The following NHSL1 variants were observed in gnomAD, a reference collection of about 807,000 sequenced individuals.
NHSL1 encodes NHS-like protein 1.
A neutral mutation model predicts 95.0 loss-of-function variants in NHSL1; 48 were observed. The observed-to-expected ratio is 0.51, with a 90% CI of 0.40 to 0.64. NHSL1 has a LOEUF of 0.64. Ranked by LOEUF, NHSL1 falls within the 30% of genes least tolerant of loss-of-function variation. The pLI is 0.00. For missense variants in NHSL1, 1,971 were observed against 2,077.7 expected, an observed-to-expected ratio of 0.95 and a Z score of 1.00; for synonymous variants, 783 against 833.9, an observed-to-expected ratio of 0.94 and a Z score of 1.05.
chr6:138,532,657 T>C (rs2128317021), intron 1 of NHSL1, among the ~76,000 whole-genome samples: 1 of 152,332 alleles, frequency 6.6e-6, no homozygotes, highest in Non-Finnish European at 1.5e-5. Flanking sequence ...CAATCACTTC[T>C]ATTTATTAGA....
At chr6:138,465,099 C>T (rs1778276725) in intron 3 of NHSL1, among the ~76,000 whole-genome samples, 1 of 151,088 alleles carries the variant, frequency 6.6e-6, no homozygotes, top group African/African-American at 2.4e-5. Context: ...GTTCAAAAAG[C>T]TCACAGAGTA....
At chr6:138,645,271 G>A (rs1260222521) in intron 1 of NHSL1, among the ~76,000 whole-genome samples, 1 of 152,086 alleles carries the variant, frequency 6.6e-6, no homozygotes, top group African/African-American at 2.4e-5. Flanking sequence ...TTCCTCCAAT[G>A]CAACAGGGCC....
At chr6:138,627,580 C>T (rs1784758865) in intron 1 of NHSL1, among the ~76,000 whole-genome samples, 1 of 151,948 alleles carries the variant, frequency 6.6e-6, no homozygotes, top group Admixed American at 6.6e-5. Context: ...AGTAGTATAC[C>T]AGATATAAGA....
chr6:138,580,939 G>A (rs1369159608), intron 1 of NHSL1, among the ~76,000 whole-genome samples: 1 of 152,192 alleles, frequency 6.6e-6, no homozygotes, highest in African/African-American at 2.4e-5. Context: ...GCAGGGGGAG[G>A]TTTCAGCTGG....
chr6:138,672,073 T>C (rs1785379979), intron 1 of NHSL1, among the ~76,000 whole-genome samples: 1 of 151,950 alleles, frequency 6.6e-6, no homozygotes, highest in South Asian at 2.1e-4. Context: ...CAGAGGAAAA[T>C]TTCTTTAAAA....
At chr6:138,677,730 G>A (rs185964682) in intron 1 of NHSL1, among the ~76,000 whole-genome samples, 1 of 152,168 alleles carries the variant, frequency 6.6e-6, no homozygotes, top group African/African-American at 2.4e-5. Flanking sequence ...ACTGCAAATG[G>A]TATTCTCAAA....
chr6:138,474,877 G>A (rs938165221), intron 2 of NHSL1, among the ~76,000 whole-genome samples: 12 of 152,186 alleles, frequency 7.9e-5, no homozygotes, highest in South Asian at 2.1e-4. Context: ...GGCTGGGCGC[G>A]GTGGCTCATG....
At chr6:138,522,673 T>G (rs1367996762) in intron 1 of NHSL1, among the ~76,000 whole-genome samples, 1 of 152,070 alleles carries the variant, frequency 6.6e-6, no homozygotes, top group East Asian at 1.9e-4. Context: ...TTTACTCAGG[T>G]GTGGTGGCGC....
intron 1 of NHSL1, among the ~76,000 whole-genome samples, chr6:138,519,184 A>T (rs1781575388): frequency 6.6e-6 from 1 of 152,104 alleles, no homozygotes; most frequent in African/African-American, 2.4e-5. Context: ...GAAAAAAAAA[A>T]GCCTTACCAT....
chr6:138,505,840 A>G (rs1256387692), intron 1 of NHSL1, among the ~76,000 whole-genome samples: 2 of 152,162 alleles, frequency 1.3e-5, no homozygotes, highest in Non-Finnish European at 2.9e-5. Context: ...AAAATTTTTC[A>G]GGGCAACCTT....
intron 5 of NHSL1, among the ~76,000 whole-genome samples, chr6:138,437,879 T>C (rs1267040048): frequency 2.0e-5 from 3 of 152,210 alleles, no homozygotes; most frequent in Non-Finnish European, 4.4e-5. Flanking sequence ...TGTGGCTGAA[T>C]TGCTGCAATT....
At chr6:138,551,987 T>C (rs1783021811) in intron 1 of NHSL1, among the ~76,000 whole-genome samples, 1 of 152,190 alleles carries the variant, frequency 6.6e-6, no homozygotes, top group Non-Finnish European at 1.5e-5. Context: ...GGACTCAAAC[T>C]AACCATGGAG....
intron 1 of NHSL1, among the ~76,000 whole-genome samples, chr6:138,505,703 A>T (rs1780926859): frequency 6.6e-6 from 1 of 151,796 alleles, no homozygotes; most frequent in Non-Finnish European, 1.5e-5. Flanking sequence ...AATGAAGATC[A>T]TTATTTTCTT....
chr6:138,658,199 A>G lies in NHSL1; in HGVS notation c.96+34277T>C, dbSNP rs374498195. ...TAAAAATTGTATATATTTAAGGTGT[A>G]CAACACGATTTGATATACATTCTGA... is the stretch of plus-strand genomic sequence containing the variant. On this transcript the variant is annotated intron_variant, in intron 1 of 3. Transcript: ENST00000491526. Among the ~76,000 whole-genome samples, 121 of 152,314 alleles carry G rather than the reference A, an allele frequency of 7.9e-4. 2 individuals are homozygous for G. The South Asian group carries it at 0.024, about 30-fold the overall frequency.
At chr6:138,561,819 G>A (rs1783422566) in intron 1 of NHSL1, among the ~76,000 whole-genome samples, 1 of 152,198 alleles carries the variant, frequency 6.6e-6, no homozygotes. Flanking sequence ...GGGGAAGATG[G>A]TCTCAGACAA....
chr6:138,692,374 C>A lies in NHSL1; in HGVS notation c.96+102G>T. ...TGGAGACCCCGACATCGCGGGGCTC[C>A]GCGGCCCCCGCGCCGACCCAGGGCC... is the stretch of plus-strand genomic sequence containing the variant. On this transcript the variant is annotated intron_variant, in intron 1 of 3. Transcript: ENST00000491526. This position sits in a 1 kb window ranked among gnomAD's most constrained non-coding sequence, Gnocchi z 4.0. The A allele has an allele frequency of 3.3e-6, 1 of 302,192 alleles. No homozygotes were observed. Among genetic ancestry groups the A allele is most frequent in the Non-Finnish European group, 6.5e-6 (1 of 153,754 alleles). 18.7% of individuals were successfully genotyped at this position (302,192 alleles called of 1,614,324 possible).
intron 3 of NHSL1, among the ~76,000 whole-genome samples, chr6:138,467,284 C>T (rs1326339199): frequency 6.6e-6 from 1 of 152,048 alleles, no homozygotes; most frequent in African/African-American, 2.4e-5. Flanking sequence ...TCCCGAGTAG[C>T]TGGGACCGCA....
chr6:138,596,764 C>T (rs573007344), intron 1 of NHSL1, among the ~76,000 whole-genome samples: 6 of 150,564 alleles, frequency 4.0e-5, no homozygotes, highest in African/African-American at 1.5e-4. Flanking sequence ...ATTCAATTGG[C>T]GGGGGTGGGG....
intron 1 of NHSL1, among the ~76,000 whole-genome samples, chr6:138,624,961 T>C (rs1481003271): frequency 6.6e-6 from 1 of 152,220 alleles, no homozygotes; most frequent in Non-Finnish European, 1.5e-5. Flanking sequence ...TAAAGAACTC[T>C]TTTAGTTTAT....
Sources: gnomAD v4.1 joint callset for allele counts (sites outside exome capture counted in the v4.1 genomes callset) on GRCh38, gnomAD v4.1.1 for gene constraint, Gnocchi (gnomAD v3.1) non-coding constraint, MANE v1.5 for transcripts, NCBI Gene and HGNC (gene_info 2026-07-23, HGNC 2026-07-21) for gene names.